Variants in HTR4 observed in about 807,000 individuals in gnomAD.
The protein encoded by HTR4 is 5-hydroxytryptamine receptor 4.
In HTR4, 16 loss-of-function variants were observed where a neutral mutation model predicts 36.8. The ratio of observed to expected loss-of-function variants is 0.43; its 90% CI spans 0.29 to 0.66. The LOEUF (loss-of-function observed/expected upper bound fraction) is 0.66, where lower values mean the gene tolerates loss of function less well. Ranked by LOEUF, HTR4 falls within the 30% of genes least tolerant of loss-of-function variation. The probability of loss-of-function intolerance (pLI) is 0.13; values close to 1 mark genes in which losing one functional copy is unlikely to be tolerated. For synonymous variants in HTR4, 189 were observed against 185.1 expected, an observed-to-expected ratio of 1.02 and a Z score of -0.17; for missense variants, 438 against 490.9, an observed-to-expected ratio of 0.89 and a Z score of 1.02.
At chr5:148,533,699 T>A (rs1422909871) in intron 4 of HTR4, among the ~76,000 whole-genome samples, 1 of 152,170 alleles carries the variant, frequency 6.6e-6, no homozygotes, top group African/African-American at 2.4e-5. Context: ...CCTTAACTCC[T>A]TAGTAGCTCT....
intron 2 of HTR4, among the ~76,000 whole-genome samples, chr5:148,565,008 GT>G (rs1760374789): frequency 1.3e-5 from 2 of 151,470 alleles, no homozygotes. Context: ...TACTCGGGAG[GT>G]TGAGGCAGGA....
intron 2 of HTR4, among the ~76,000 whole-genome samples, chr5:148,615,353 A>T (rs1345169379): frequency 6.6e-6 from 1 of 151,912 alleles, no homozygotes; most frequent in Non-Finnish European, 1.5e-5. Context: ...TGCAGCCATA[A>T]AAAATGATGA....
At chr5:148,461,691 T>A (rs777147331) in intron 5 of HTR4, among the ~76,000 whole-genome samples, 3 of 152,028 alleles carry the variant, frequency 2.0e-5, no homozygotes, top group Non-Finnish European at 4.4e-5. Context: ...CACTTCTCTA[T>A]CATAAATGAA....
At chr5:148,618,005 C>T (rs1752767714) in intron 2 of HTR4, among the ~76,000 whole-genome samples, 1 of 152,114 alleles carries the variant, frequency 6.6e-6, no homozygotes, top group Non-Finnish European at 1.5e-5. Context: ...TCGGCAACAG[C>T]TTCATTCCTG....
intron 3 of HTR4, among the ~76,000 whole-genome samples, chr5:148,549,458 A>G (rs1759571448): frequency 6.6e-6 from 1 of 152,112 alleles, no homozygotes; most frequent in South Asian, 2.1e-4. Flanking sequence ...ATACCCTCTT[A>G]TGGCCCAGAG....
At chr5:148,508,710 T>G (rs113236274) in intron 6 of HTR4, among the ~76,000 whole-genome samples, 2,401 of 152,306 alleles carry the variant, frequency 0.016, 34 homozygotes, top group Middle Eastern at 0.048. Flanking sequence ...ATGGTATTAC[T>G]GTTGTATATT....
intron 2 of HTR4, among the ~76,000 whole-genome samples, chr5:148,615,755 G>C (rs553688262): frequency 1.3e-5 from 2 of 149,090 alleles, no homozygotes; most frequent in Non-Finnish European, 3.0e-5. Flanking sequence ...AGCTCCTAAA[G>C]GTATGTTAAG....
chr5:148,495,403 C>T (rs1179741950), intron 6 of HTR4, among the ~76,000 whole-genome samples: 1 of 152,164 alleles, frequency 6.6e-6, no homozygotes, highest in Non-Finnish European at 1.5e-5. Flanking sequence ...CCCTTTTCTG[C>T]CCTCAGTTAT....
downstream of HTR4, chr5:148,481,463 T>C: frequency 9.7e-7 from 1 of 1,031,346 alleles, no homozygotes; most frequent in Non-Finnish European, 1.4e-6. Flanking sequence ...CATTTCTCTT[T>C]CAGAGGCTAT....
At chr5:148,579,027 T>C (rs1328212464) in intron 2 of HTR4, among the ~76,000 whole-genome samples, 1 of 152,096 alleles carries the variant, frequency 6.6e-6, no homozygotes, top group Non-Finnish European at 1.5e-5. Flanking sequence ...TTTTGATTTC[T>C]GCACACTAAG....
At chr5:148,584,823 C>T (rs560552897) in intron 2 of HTR4, among the ~76,000 whole-genome samples, 1 of 152,254 alleles carries the variant, frequency 6.6e-6, no homozygotes, top group South Asian at 2.1e-4. Flanking sequence ...TCACATCTTC[C>T]CTTTTCTTCT....
At chr5:148,576,354 T>C (rs1760919290) in intron 2 of HTR4, among the ~76,000 whole-genome samples, 1 of 151,828 alleles carries the variant, frequency 6.6e-6, no homozygotes. Flanking sequence ...CCCATGTGCG[T>C]GGATAGAAAA....
intron 2 of HTR4, among the ~76,000 whole-genome samples, chr5:148,587,571 G>A (rs1217075927): frequency 6.6e-6 from 1 of 152,174 alleles, no homozygotes. Context: ...TAGAACTCTG[G>A]AAGGTAGGAT....
chr5:148,510,536 T>C (rs1757449726), intron 5 of HTR4, among the ~76,000 whole-genome samples: 1 of 152,220 alleles, frequency 6.6e-6, no homozygotes, highest in Non-Finnish European at 1.5e-5. Context: ...TAAGTGCAGA[T>C]TCCTGCCCAC....
intron 6 of HTR4, among the ~76,000 whole-genome samples, chr5:148,487,380 TAGG>T (rs1287046351): frequency 6.6e-6 from 1 of 150,622 alleles, no homozygotes; most frequent in African/African-American, 2.4e-5. Context: ...GAAGAAAGAA[TAGG>T]AGGAGGAAGA....
downstream of HTR4, among the ~76,000 whole-genome samples, chr5:148,479,962 G>A (rs1755824984): frequency 6.6e-6 from 1 of 152,094 alleles, no homozygotes; most frequent in South Asian, 2.1e-4. Context: ...TATCAGATCA[G>A]GAAAATTTTC....
At chr5:148,528,407 G>C (rs568162529) in intron 4 of HTR4, among the ~76,000 whole-genome samples, 35 of 152,118 alleles carry the variant, frequency 2.3e-4, no homozygotes, top group Non-Finnish European at 1.5e-4. Flanking sequence ...CCAAGACCTG[G>C]CACCTTTGAG....
downstream of HTR4, chr5:148,476,644 A>G (rs966437392): frequency 1.3e-5 from 21 of 1,589,842 alleles, no homozygotes; most frequent in Admixed American, 9.3e-5. Flanking sequence ...AATACATCCA[A>G]TGAATTTATT....
chr5:148,523,992 CGT>C (rs1360877280), intron 4 of HTR4, among the ~76,000 whole-genome samples: 1 of 144,134 alleles, frequency 6.9e-6, no homozygotes, highest in Non-Finnish European at 1.5e-5. Context: ...GCTCTAAGTC[CGT>C]GTTTTTTTTT....
Sources: allele counts gnomAD v4.1 joint callset (sites outside exome capture counted in the v4.1 genomes callset), GRCh38; gene constraint gnomAD v4.1.1; transcripts MANE v1.5; gene names NCBI Gene and HGNC (gene_info 2026-07-23, HGNC 2026-07-21).